BNC2: variants seen among roughly 807,000 people sequenced by gnomAD.
The protein encoded by BNC2 is zinc finger protein basonuclin-2.
In BNC2, 20 loss-of-function variants were observed where a neutral mutation model predicts 76.3. That is an observed-to-expected ratio of 0.26 (90% confidence interval 0.18 to 0.38). BNC2 has a LOEUF of 0.38. BNC2 is among the 10% of genes least tolerant of loss of function. The probability of loss-of-function intolerance (pLI) is 1.00; values close to 1 mark genes in which losing one functional copy is unlikely to be tolerated. For synonymous variants in BNC2, 582 were observed against 514.8 expected (o/e 1.13, Z -1.77); for missense variants, 1,382 against 1,399.8 (o/e 0.99, Z 0.20).
intron 1 of BNC2, among the ~76,000 whole-genome samples, chr9:16,825,961 G>T (rs1304801607): frequency 6.6e-6 from 1 of 152,022 alleles, no homozygotes; most frequent in African/African-American, 2.4e-5. Context: ...ATGGTTCCAG[G>T]GTTTTTCAAA....
chr9:16,521,438 A>G (rs900355141), intron 5 of BNC2, among the ~76,000 whole-genome samples: 2 of 152,214 alleles, frequency 1.3e-5, no homozygotes, highest in African/African-American at 4.8e-5. Flanking sequence ...TTATGATATA[A>G]CGTGTTAGCA....
At chr9:16,859,490 C>T (rs1348087813) in intron 1 of BNC2, among the ~76,000 whole-genome samples, 1 of 152,174 alleles carries the variant, frequency 6.6e-6, no homozygotes, top group Admixed American at 6.6e-5. Flanking sequence ...GTGGTATATA[C>T]ATATGATGAA....
intron 6 of BNC2, among the ~76,000 whole-genome samples, chr9:16,428,281 G>C (rs1035032072): frequency 3.3e-5 from 5 of 152,160 alleles, no homozygotes; most frequent in Non-Finnish European, 1.5e-5. Context: ...CTCAGTGACA[G>C]AGCAGACTAA....
intron 1 of BNC2, among the ~76,000 whole-genome samples, chr9:16,859,393 C>A (rs1819340491): frequency 6.6e-6 from 1 of 152,126 alleles, no homozygotes; most frequent in Non-Finnish European, 1.5e-5. Context: ...TATTTGCATA[C>A]TTATATTCAC....
At chr9:16,695,498 A>G (rs1055535196) in intron 3 of BNC2, among the ~76,000 whole-genome samples, 1 of 151,222 alleles carries the variant, frequency 6.6e-6, no homozygotes, top group Non-Finnish European at 1.5e-5. Context: ...TTAGCTGAGA[A>G]GTGATTCTTT....
intron 3 of BNC2, among the ~76,000 whole-genome samples, chr9:16,594,832 G>T (rs1820022044): frequency 6.6e-6 from 1 of 152,062 alleles, no homozygotes; most frequent in Admixed American, 6.6e-5. Flanking sequence ...GGGAGGAAAG[G>T]AGCCTGATAA....
intron 3 of BNC2, among the ~76,000 whole-genome samples, chr9:16,724,036 G>A (rs1300369078): frequency 6.6e-6 from 1 of 151,998 alleles, no homozygotes; most frequent in Non-Finnish European, 1.5e-5. Flanking sequence ...ATGATGCAGA[G>A]AGTCATTTAT....
At chr9:16,820,612 G>A (rs1004820166) in intron 1 of BNC2, among the ~76,000 whole-genome samples, 2 of 152,084 alleles carry the variant, frequency 1.3e-5, no homozygotes, top group African/African-American at 4.8e-5. Flanking sequence ...TGGGAAGCTT[G>A]TTACTCTCAG....
intron 1 of BNC2, among the ~76,000 whole-genome samples, chr9:16,780,336 G>A (rs552785368): frequency 5.0e-4 from 76 of 151,890 alleles, no homozygotes; most frequent in African/African-American, 1.8e-3. Context: ...CACTGTGGGA[G>A]GCCGAGGCTG....
chr9:16,689,814 A>AT (rs1823099690), intron 3 of BNC2, among the ~76,000 whole-genome samples: 1 of 152,168 alleles, frequency 6.6e-6, no homozygotes, highest in Non-Finnish European at 1.5e-5. Flanking sequence ...AAGAGGAAAA[A>AT]TCACTCAGAT....
At chr9:16,469,455 G>C (rs1821772295) in intron 5 of BNC2, among the ~76,000 whole-genome samples, 1 of 152,296 alleles carries the variant, frequency 6.6e-6, no homozygotes, top group East Asian at 1.9e-4. Context: ...GTAAGCAGTG[G>C]CTTTCGCCTC....
chr9:16,469,012 TGG>T (rs1294761350), intron 5 of BNC2, among the ~76,000 whole-genome samples: 1 of 152,216 alleles, frequency 6.6e-6, no homozygotes, highest in Non-Finnish European at 1.5e-5. Context: ...GTTAAAATCT[TGG>T]ATTTTAAAAA....
rs892360202 is a variant in BNC2, at chr9:16,412,506, A to C, written c.*6483T>G. ...GCCACACCCATTACTCTCAAGATGG[A>C]ATTGTTAACACTTAAGTTTTCAAAG... On this transcript the variant is annotated 3_prime_UTR_variant, in exon 7 of 7. Coordinates refer to ENST00000380672, the MANE Select transcript of BNC2 (RefSeq NM_017637.6). 5 of 152,566 alleles carry C rather than the reference A, an allele frequency of 3.3e-5. No homozygotes were observed. The highest frequency in any genetic ancestry group is 9.7e-5 in the African/African-American group (4 of 41,450). The allele number at this position is 152,566 out of a possible 1,614,324, so 9.5% of individuals were successfully genotyped here.
intron 5 of BNC2, among the ~76,000 whole-genome samples, chr9:16,510,096 C>T (rs566919795): frequency 6.6e-6 from 1 of 152,332 alleles, no homozygotes; most frequent in South Asian, 2.1e-4. Context: ...GGCTATGAGT[C>T]ATAACACATT....
At chr9:16,643,793 C>T (rs1366163854) in intron 3 of BNC2, among the ~76,000 whole-genome samples, 1 of 152,008 alleles carries the variant, frequency 6.6e-6, no homozygotes. Flanking sequence ...TTTTTCTGCC[C>T]CAAACTGACC....
intron 5 of BNC2, among the ~76,000 whole-genome samples, chr9:16,450,898 C>A (rs1563789558): frequency 6.6e-6 from 1 of 152,264 alleles, no homozygotes; most frequent in East Asian, 1.9e-4. Flanking sequence ...AATGGAAGTG[C>A]CATACTCTTT....
chr9:16,526,708 T>A (rs1378563551), intron 5 of BNC2, among the ~76,000 whole-genome samples: 2 of 152,120 alleles, frequency 1.3e-5, no homozygotes, highest in African/African-American at 4.8e-5. Context: ...TCCCCATTGA[T>A]ATGACCATGA....
At position 16,818,835 on chromosome 9, in the gene BNC2, T is replaced by A. The variant is rs796979061; in HGVS notation, c.3+51811A>T. Among the ~76,000 whole-genome samples, 16 of 150,988 alleles carry A rather than the reference T, an allele frequency of 1.1e-4. No homozygotes were observed. The East Asian group carries it at 1.2e-3, about 11-fold the overall frequency. The stretch of plus-strand genomic sequence containing the variant: ...TGCCACAGTGCCTGGAATGAATTTT[T>A]AAAAAAAATTCATTTAAAGGAGTGA... On this transcript the variant is annotated intron_variant, in intron 1 of 6. Coordinates refer to ENST00000380672, the MANE Select transcript of BNC2 (RefSeq NM_017637.6).
chr9:16,775,620 C>G (rs896746803), intron 1 of BNC2: 8 of 185,416 alleles, frequency 4.3e-5, no homozygotes, highest in African/African-American at 1.9e-4. Context: ...AGACCTTGAT[C>G]CCAGTGGGCC....
Sources: gnomAD v4.1 joint callset for allele counts (sites outside exome capture counted in the v4.1 genomes callset) on GRCh38, gnomAD v4.1.1 for gene constraint, MANE v1.5 for transcripts, NCBI Gene and HGNC (gene_info 2026-07-23, HGNC 2026-07-21) for gene names.